PLCH2: variants seen among roughly 807,000 people sequenced by gnomAD.
PLCH2 encodes phospholipase C eta 2, also known as 1-phosphatidylinositol 4,5-bisphosphate phosphodiesterase eta-2.
PLCH2 carries 98 observed loss-of-function variants against 134.7 expected under a neutral mutation model. That is an observed-to-expected ratio of 0.73 (90% CI 0.62 to 0.86). PLCH2 has a LOEUF of 0.86. Ranked by LOEUF, PLCH2 falls within the 40% of genes least tolerant of loss-of-function variation. The pLI is 0.00. For synonymous variants in PLCH2, 974 were observed against 827.5 expected (o/e 1.18, Z -3.04); for missense variants, 1,994 against 1,986.6 (o/e 1.00, Z -0.07).
At chr1:2,499,554 G>A in intron 19 of PLCH2, 87 bp from the exon 20 acceptor site, 2 of 1,037,704 alleles carry the variant, frequency 1.9e-6, no homozygotes, top group Non-Finnish European at 2.9e-6. Flanking sequence ...CTGGGGTCTT[G>A]GGACCTTTAA....
chr1:2,459,018 C>T lies in PLCH2; in HGVS notation c.116-19458C>T, dbSNP rs534770059. Among the ~76,000 whole-genome samples, 15 of 152,230 alleles carry T rather than the reference C, an allele frequency of 9.9e-5. No individual in the cohort carries two copies. In the South Asian group the frequency reaches 2.1e-3, roughly 21 times the overall value. On this transcript the variant is annotated intron_variant, in intron 2 of 3. Coordinates refer to the PLCH2 transcript ENST00000609981. ...CCTGGGCACTCTTGAGTCACTGCCTCGTAGTGACCTGGCCCCCTCATTGCA... is the reference window on the plus strand; with the variant it reads ...CCTGGGCACTCTTGAGTCACTGCCTTGTAGTGACCTGGCCCCCTCATTGCA...
At chr1:2,480,438 C>T (rs1641901443) in intron 4 of PLCH2, 126 bp downstream of exon 4, 1 of 1,084,206 alleles carries the variant, frequency 9.2e-7, no homozygotes, top group African/African-American at 1.6e-5. Flanking sequence ...TCAAGCTGCA[C>T]AGAGTAGCTG....
chr1:2,478,444 T>C (rs563420033), intron 1 of PLCH2, 32 bp from the exon 2 acceptor site: 1 of 1,607,074 alleles, frequency 6.2e-7, no homozygotes, highest in African/African-American at 1.3e-5. Flanking sequence ...TGGCTGTGCC[T>C]CCGCTGACAG....
rs754943270 is a variant in PLCH2, at chr1:2,489,243, T to G, written c.1272T>G (p.Ser424Arg). The change falls in exon 9 of 22, where the codon AGT (serine) becomes AGG (arginine). Residue 424 changes from serine to arginine, a missense_variant. This residue lies in a region of PLCH2 where 1,094 missense variants were observed against 1,234.3 expected (regional missense o/e 0.89). Coordinates refer to ENST00000378486, the MANE Select transcript of PLCH2 (RefSeq NM_014638.4). ...PVILSIENHC[S>R]VIQQKKMAQY... is the part of the protein sequence containing the mutation. ...TCCTGTCCATCGAAAACCACTGCAG[T>G]GTCATCCAGCAGAAGAAAATGGCCC... 9.3e-6 allele frequency: 15 copies of G among 1,613,796 alleles called. No individual in the cohort carries two copies. Among genetic ancestry groups the G allele is most frequent in the Non-Finnish European group, 3.4e-6 (4 of 1,179,818 alleles).
In PLCH2 at chr1:2,498,635, G is replaced by A. The variant is rs1236759369; in HGVS notation, c.2337G>A (p.Gly779=). ...CCAAGCCGCGCGACTCCATGCTGGG[G>A]GACCGTGGGGAGGTGGGGGCCAGCC... ...QLPKPRDSML[G]DRGEIIDPFV... The change falls in exon 17 of 22, where the codon GGG becomes GGA. Residue 779 remains glycine, a synonymous_variant. Transcript: ENST00000378486. This position sits in a 1 kb window ranked among gnomAD's most constrained non-coding sequence, Gnocchi z 5.4. The A allele has an allele frequency of 6.4e-7, 1 of 1,572,988 alleles. No individual in the cohort carries two copies. The highest frequency in any genetic ancestry group is 8.6e-7 in the Non-Finnish European group (1 of 1,161,214).
rs558506639 is a variant in PLCH2, at chr1:2,449,813, G to T, written c.115+19184G>T. On this transcript the variant is annotated intron_variant, in intron 2 of 3. Transcript: ENST00000609981. ...TAAGCTCTGCCTAGCCACCTCTCAG[G>T]GACAGTGGCTGCCCCAGCCTCGCCC... Among the ~76,000 whole-genome samples the T allele has an allele frequency of 1.5e-3, 235 of 152,328 alleles. 2 individuals are homozygous for T. The highest frequency in any genetic ancestry group is 5.2e-3 in the African/African-American group (218 of 41,570).
In PLCH2 at chr1:2,486,983, G is replaced by A. The variant is rs761655371; in HGVS notation, c.893G>A (p.Gly298Glu). Reference protein sequence around the residue: ...FEPCPENKSKGLLGIDGFTNY... With the variant: ...FEPCPENKSKELLGIDGFTNY... Reference sequence around the variant, plus strand: ...CCATGCCCAGAAAACAAGAGTAAGGGGCTGCTGGGCATTGATGGTGAGTGG... The same window carrying A: ...CCATGCCCAGAAAACAAGAGTAAGGAGCTGCTGGGCATTGATGGTGAGTGG... Residue 298 changes from glycine (G) to glutamate (E), a missense_variant, in exon 6 of 22, where the codon GGG (glycine) becomes GAG (glutamate). Physicochemically the swap from Gly to Glu is moderately conservative, Grantham distance 98 (BLOSUM62 -2). Around this residue, in one of 2 missense-constraint regions of PLCH2, gnomAD observed 1,094 missense variants for 1,234.3 expected, o/e 0.89. Coordinates refer to ENST00000378486, the MANE Select transcript of PLCH2 (RefSeq NM_014638.4). 7 of 1,601,578 alleles carry A rather than the reference G, an allele frequency of 4.4e-6. No individual in the cohort carries two copies. The highest frequency in any genetic ancestry group is 6.0e-6 in the Non-Finnish European group (7 of 1,174,526).
chr1:2,424,508 T>C (rs1306127677), upstream of PLCH2, among the ~76,000 whole-genome samples: 2 of 152,238 alleles, frequency 1.3e-5, no homozygotes, highest in Non-Finnish European at 2.9e-5. Context: ...CTTAACTTGA[T>C]GTTCTCCAGT....
At position 2,498,585 on chromosome 1, in the gene PLCH2, C is replaced by T. The variant is rs896994138; in HGVS notation, c.2287C>T (p.Arg763Trp). ...PGQLKKQLVL[R>W]IISGQQLPKP... is the part of the protein sequence containing the mutation. ...GCAGCTCAAGAAGCAGCTGGTGCTC[C>T]GGATCATCAGTGGCCAGCAGCTTCC... The change falls in exon 17 of 22, where the codon CGG becomes TGG. Residue 763 changes from arginine (R) to tryptophan (W), a missense_variant. Around this residue, in one of 2 missense-constraint regions of PLCH2, gnomAD observed 1,094 missense variants for 1,234.3 expected, o/e 0.89. Coordinates refer to ENST00000378486, the MANE Select transcript of PLCH2 (RefSeq NM_014638.4). The surrounding 1 kb of genome is among the most constrained non-coding windows in gnomAD (Gnocchi z 5.4). 6.9e-6 allele frequency: 11 copies of T among 1,600,080 alleles called. No individual in the cohort carries two copies. Among genetic ancestry groups the T allele is most frequent in the East Asian group, 2.3e-5 (1 of 44,288 alleles).
At chr1:2,438,768 C>T (rs1222950175) in intron 2 of PLCH2, among the ~76,000 whole-genome samples, 1 of 152,230 alleles carries the variant, frequency 6.6e-6, no homozygotes, top group Non-Finnish European at 1.5e-5. Flanking sequence ...CCCCCCGTCC[C>T]GCTGCCTGCC....
At chr1:2,485,090 C>T (rs1035130789) in intron 5 of PLCH2, among the ~76,000 whole-genome samples, 3 of 152,154 alleles carry the variant, frequency 2.0e-5, no homozygotes, top group Non-Finnish European at 2.9e-5. Context: ...GTGCCAGGCC[C>T]GCCACAATAT....
rs1236108643 is a variant in PLCH2 at position 2,498,755 on chromosome 1, C to T, written c.2361C>T (p.Pro787=). The change falls in exon 18 of 22, where the codon CCC becomes CCT. Residue 787 remains proline (P), a synonymous_variant. Coordinates refer to ENST00000378486, the MANE Select transcript of PLCH2 (RefSeq NM_014638.4). This position sits in a 1 kb window ranked among gnomAD's most constrained non-coding sequence, Gnocchi z 5.4. ...MLGDRGEIID[P]FVEVEIIGLP... is the part of the protein sequence containing the mutation. ...CTCCTGTGTCCCAGATCATCGACCC[C>T]TTTGTGGAGGTGGAGATCATTGGGC... 1.2e-6 allele frequency: 2 copies of T among 1,610,558 alleles called. No individual in the cohort carries two copies. The highest frequency in any genetic ancestry group is 2.2e-5 in the East Asian group (1 of 44,782).
chr1:2,462,563 C>CGGTCAGTCTGGGTGGCCCGT (rs1640875894), upstream of PLCH2, among the ~76,000 whole-genome samples: 1 of 152,060 alleles, frequency 6.6e-6, no homozygotes, highest in African/African-American at 2.4e-5. Flanking sequence ...GGGGCAACTA[C>CGGTCAGTCTGGGTGGCCCGT]GGTCAGTCTG....
chr1:2,475,070 G>A (rs1291415441), upstream of PLCH2, among the ~76,000 whole-genome samples: 1 of 152,144 alleles, frequency 6.6e-6, no homozygotes, highest in African/African-American at 2.4e-5. Context: ...GCCCCTGGTG[G>A]GGGCCTGGGT....
At chr1:2,486,280 C>T (rs1345442346) in intron 5 of PLCH2, among the ~76,000 whole-genome samples, 1 of 152,216 alleles carries the variant, frequency 6.6e-6, no homozygotes, top group Non-Finnish European at 1.5e-5. Flanking sequence ...GCCTGGCCTC[C>T]TGGTTGCTGG....
chr1:2,447,166 C>T (rs938102771), intron 2 of PLCH2, among the ~76,000 whole-genome samples: 6 of 152,198 alleles, frequency 3.9e-5, no homozygotes, highest in African/African-American at 1.2e-4. Flanking sequence ...AGACTCTGTG[C>T]GTGAGGCTCC....
At chr1:2,449,803 C>T (rs1640109172) in intron 2 of PLCH2, among the ~76,000 whole-genome samples, 1 of 152,220 alleles carries the variant, frequency 6.6e-6, no homozygotes, top group African/African-American at 2.4e-5. Flanking sequence ...TCTGCCTAGC[C>T]ACCTCTCAGG....
intron 4 of PLCH2, among the ~76,000 whole-genome samples, chr1:2,481,508 A>C (rs1641967543): frequency 6.6e-6 from 1 of 152,204 alleles, no homozygotes; most frequent in South Asian, 2.1e-4. Context: ...AGGGTGGCTT[A>C]GGGTGCAGGC....
the PLCH2 span, among the ~76,000 whole-genome samples, chr1:2,416,156 C>T: frequency 3.9e-5 from 6 of 152,326 alleles, no homozygotes; most frequent in African/African-American, 1.4e-4. Flanking sequence ...GCCTGGGTTG[C>T]TGCCTGGCAC....
Sources: gnomAD v4.1 joint callset for allele counts (sites outside exome capture counted in the v4.1 genomes callset) on GRCh38, gnomAD v4.1.1 for gene constraint, gnomAD v4.1.1 regional missense constraint, Gnocchi (gnomAD v3.1) non-coding constraint, MANE v1.5 for transcripts, NCBI Gene and HGNC (gene_info 2026-07-23, HGNC 2026-07-21) for gene names.